Variants in ASIC2 observed in about 807,000 individuals in gnomAD.
ASIC2 encodes the protein acid sensing ion channel subunit 2, also known as acid-sensing ion channel 2.
In ASIC2, 25 loss-of-function variants were observed where a neutral mutation model predicts 57.3. The ratio of observed to expected loss-of-function variants is 0.44; its 90% CI spans 0.32 to 0.61. The LOEUF (loss-of-function observed/expected upper bound fraction) is 0.61. Among genes scored for constraint, ASIC2 ranks in the 20% least tolerant of loss-of-function variants. The probability of loss-of-function intolerance (pLI) is 0.06; values close to 1 mark genes in which losing one functional copy is unlikely to be tolerated. For synonymous variants in ASIC2, 319 were observed against 307.5 expected (o/e 1.04, Z -0.39); for missense variants, 641 against 738.1 (o/e 0.87, Z 1.52).
chr17:33,266,246 C>A (rs146036198), intron 1 of ASIC2, among the ~76,000 whole-genome samples: 10 of 152,334 alleles, frequency 6.6e-5, no homozygotes, highest in South Asian at 4.1e-4. Context: ...ATCCTCCCCC[C>A]ATCCAGAACA....
At chr17:33,664,671 G>C (rs141559982) in intron 1 of ASIC2, among the ~76,000 whole-genome samples, 2 of 152,230 alleles carry the variant, frequency 1.3e-5, no homozygotes, top group Admixed American at 1.3e-4. Flanking sequence ...GAAATGGACA[G>C]TTGATAGAGC....
At chr17:33,742,317 A>G (rs1257980236) in intron 1 of ASIC2, among the ~76,000 whole-genome samples, 2 of 151,968 alleles carry the variant, frequency 1.3e-5, no homozygotes, top group Non-Finnish European at 2.9e-5. Flanking sequence ...TATTCCCACT[A>G]CCTACAATGC....
At position 33,136,051 on chromosome 17, in the gene ASIC2, G is replaced by A. The variant is rs1188152355; in HGVS notation, c.709-23984C>T. 2.6e-5 allele frequency among the ~76,000 whole-genome samples: 4 copies of A among 152,230 alleles called. No individual in the cohort carries two copies. In the South Asian group the frequency reaches 6.2e-4, roughly 24 times the overall value. ...ATCCAAGAGATTCATGTCAGTGGGC[G>A]TAATGTTCATGTCCTGACCTTGGGC... On this transcript the variant is annotated intron_variant, in intron 1 of 9. Transcript: ENST00000225823.
intron 1 of ASIC2, among the ~76,000 whole-genome samples, chr17:33,174,338 T>C (rs1419856957): frequency 6.6e-6 from 1 of 151,702 alleles, no homozygotes; most frequent in African/African-American, 2.4e-5. Flanking sequence ...GGAGAATCGC[T>C]TGAACCTGGG....
At chr17:33,052,301 ATTC>A (rs1390046052) in intron 3 of ASIC2, 1 of 152,226 alleles carries the variant, frequency 6.6e-6, no homozygotes, top group Non-Finnish European at 1.5e-5. Context: ...AAAATTGTTA[ATTC>A]TTCTGGCTGT....
chr17:34,107,766 T>C (rs1352915623), intron 1 of ASIC2, among the ~76,000 whole-genome samples: 1 of 152,242 alleles, frequency 6.6e-6, no homozygotes, highest in Non-Finnish European at 1.5e-5. Flanking sequence ...ATTTGAAATA[T>C]AATTAGGTTC....
At chr17:33,127,681 C>T (rs1218564411) in intron 1 of ASIC2, among the ~76,000 whole-genome samples, 1 of 152,158 alleles carries the variant, frequency 6.6e-6, no homozygotes, top group Non-Finnish European at 1.5e-5. Context: ...AGTTAGTTTC[C>T]TCCTCTCAGT....
chr17:33,679,960 A>C (rs1416191878), intron 1 of ASIC2, among the ~76,000 whole-genome samples: 1 of 152,130 alleles, frequency 6.6e-6, no homozygotes, highest in African/African-American at 2.4e-5. Context: ...GGACGGTATT[A>C]TTATTTCTGC....
chr17:33,967,728 A>G (rs1312312752), intron 1 of ASIC2, among the ~76,000 whole-genome samples: 1 of 152,176 alleles, frequency 6.6e-6, no homozygotes, highest in African/African-American at 2.4e-5. Flanking sequence ...CTGATGCTCA[A>G]TTAGTAGTAG....
At chr17:34,093,853 C>T (rs1013345789) in intron 1 of ASIC2, among the ~76,000 whole-genome samples, 1 of 152,132 alleles carries the variant, frequency 6.6e-6, no homozygotes. Context: ...AACCCTAGGG[C>T]CCCTAGTCAT....
At chr17:33,083,015 T>C (rs2092119499) in intron 3 of ASIC2, among the ~76,000 whole-genome samples, 1 of 152,186 alleles carries the variant, frequency 6.6e-6, no homozygotes. Context: ...AGAAACGATA[T>C]GAATATATCA....
At chr17:33,225,597 C>A (rs995914840) in intron 1 of ASIC2, among the ~76,000 whole-genome samples, 2 of 152,218 alleles carry the variant, frequency 1.3e-5, no homozygotes, top group African/African-American at 4.8e-5. Context: ...CAAGGGGTCG[C>A]TGACCCCATG....
At chr17:33,602,147 GC>G (rs1252302212) in intron 1 of ASIC2, among the ~76,000 whole-genome samples, 1 of 152,190 alleles carries the variant, frequency 6.6e-6, no homozygotes, top group Admixed American at 6.5e-5. Flanking sequence ...TCGAGTTGAT[GC>G]TGGAATAAGT....
In ASIC2 at chr17:33,640,402, A is replaced by C. The variant is rs143745508; in HGVS notation, c.555+515576T>G. On this transcript the variant is annotated intron_variant, in intron 1 of 9. Coordinates refer to the ASIC2 transcript ENST00000359872. ...GTCACGAATCGAAACATGTTTAATC[A>C]TTGTTTGCTTGCCAGACTTCATTTC... is the stretch of plus-strand genomic sequence containing the variant. Among the ~76,000 whole-genome samples, 69 of 152,328 alleles carry C rather than the reference A, an allele frequency of 4.5e-4. 2 individuals carry two copies. Among genetic ancestry groups the C allele is most frequent in the African/African-American group, 1.6e-3 (67 of 41,574 alleles).
intron 1 of ASIC2, among the ~76,000 whole-genome samples, chr17:33,826,862 T>A (rs1359142472): frequency 1.3e-5 from 2 of 152,196 alleles, no homozygotes; most frequent in Non-Finnish European, 2.9e-5. Context: ...AGAGAAGCAG[T>A]ACAGATATAC....
intron 1 of ASIC2, among the ~76,000 whole-genome samples, chr17:33,480,537 A>G (rs978980330): frequency 2.0e-5 from 3 of 152,142 alleles, no homozygotes; most frequent in African/African-American, 7.2e-5. Flanking sequence ...GGAAGCCAGA[A>G]AGCAAGAAAT....
At chr17:33,865,962 T>C (rs79796574) in intron 1 of ASIC2, among the ~76,000 whole-genome samples, 3 of 152,278 alleles carry the variant, frequency 2.0e-5, no homozygotes, top group Non-Finnish European at 2.9e-5. Flanking sequence ...TGATGTCAAA[T>C]AAATTAATTT....
At chr17:33,076,701 T>C (rs1368009130) in intron 3 of ASIC2, among the ~76,000 whole-genome samples, 1 of 152,210 alleles carries the variant, frequency 6.6e-6, no homozygotes, top group Non-Finnish European at 1.5e-5. Context: ...CAATTTGATT[T>C]TTCACCTACC....
intron 1 of ASIC2, among the ~76,000 whole-genome samples, chr17:33,142,345 T>A (rs1250011575): frequency 6.6e-6 from 1 of 152,200 alleles, no homozygotes; most frequent in Non-Finnish European, 1.5e-5. Context: ...TTGGTTGTGA[T>A]AAAAGAGGTA....
Sources: allele counts gnomAD v4.1 joint callset (sites outside exome capture counted in the v4.1 genomes callset), GRCh38; gene constraint gnomAD v4.1.1; transcripts MANE v1.5; gene names NCBI Gene and HGNC (gene_info 2026-07-23, HGNC 2026-07-21).